PDK1: variants seen among roughly 807,000 people sequenced by gnomAD.
PDK1 encodes [Pyruvate dehydrogenase (acetyl-transferring)] kinase isozyme 1, mitochondrial.
A neutral mutation model predicts 54.2 loss-of-function variants in PDK1; 39 were observed. The ratio of observed to expected loss-of-function variants is 0.72; its 90% CI spans 0.56 to 0.94. The LOEUF (loss-of-function observed/expected upper bound fraction) is 0.94. Among genes scored for constraint, PDK1 ranks in the 40% least tolerant of loss-of-function variants. The pLI is 0.00. For missense variants in PDK1, 552 were observed against 566.0 expected, an observed-to-expected ratio of 0.98 and a Z score of 0.25; for synonymous variants, 221 against 207.1, an observed-to-expected ratio of 1.07 and a Z score of -0.58.
chr2:172,566,530 C>T (rs1688951173), intron 5 of PDK1, among the ~76,000 whole-genome samples: 1 of 151,708 alleles, frequency 6.6e-6, no homozygotes, highest in African/African-American at 2.4e-5. Context: ...GCACTCCAGC[C>T]TGGTTGATCG....
At chr2:172,642,678 C>T in the PDK1 span, among the ~76,000 whole-genome samples, 34 of 152,268 alleles carry the variant, frequency 2.2e-4, no homozygotes, top group East Asian at 5.8e-3. Flanking sequence ...ACAGGGTGGC[C>T]GGTCCCATCC....
At chr2:172,633,867 A>ATTTTTTTTTT in the PDK1 span, among the ~76,000 whole-genome samples, 2 of 68,842 alleles carry the variant, frequency 2.9e-5, no homozygotes, top group Admixed American at 2.6e-4. Context: ...TTAGTCTATG[A>ATTTTTTTTTT]TTTTTTTTTT....
Position 172,568,327 on chromosome 2 carries a change from CAAAAAA to C in PDK1, c.770-396_770-391del, listed in dbSNP as rs11400625. On this transcript the variant is annotated intron_variant, in intron 6 of 10. Transcript: ENST00000282077. ...TGGGCAACAGAGCAAGACTCCGTCT[CAAAAAA>C]AAAAAAAAAAAAAAAAAGAAGAAGA... Among the ~76,000 whole-genome samples, 26 of 57,114 alleles carry C rather than the reference CAAAAAA, an allele frequency of 4.6e-4. No individual in the cohort carries two copies. The East Asian group carries it at 9.2e-3, about 20-fold the overall frequency. The allele number at this position is 57,114 out of a possible 152,430, so 37.5% of individuals were successfully genotyped here. A position where few individuals can be genotyped will look rare whatever the true frequency, so the allele number is the denominator to read the frequency against.
the PDK1 span, among the ~76,000 whole-genome samples, chr2:172,711,872 A>G: frequency 1.4e-5 from 2 of 147,698 alleles, no homozygotes; most frequent in Non-Finnish European, 3.0e-5. Flanking sequence ...GCTCAAAAAA[A>G]AAAAAAAAAA....
intron 1 of PDK1, among the ~76,000 whole-genome samples, chr2:172,557,025 T>G (rs988062931): frequency 1.3e-5 from 2 of 152,258 alleles, no homozygotes; most frequent in Non-Finnish European, 2.9e-5. Context: ...ACTTCCCATG[T>G]GAAGGCGATG....
the PDK1 span, among the ~76,000 whole-genome samples, chr2:172,719,736 C>G: frequency 1.3e-5 from 2 of 151,970 alleles, no homozygotes; most frequent in African/African-American, 4.8e-5. Context: ...TTTCATCTCT[C>G]TGCTGAAATT....
Position 172,601,021 on chromosome 2 carries a change from G to GCTAT in PDK1, c.*5053_*5056dup, listed in dbSNP as rs1447703803. 6.6e-6 allele frequency: 1 copy of GCTAT among 152,166 alleles called. No homozygotes were observed. The highest frequency in any genetic ancestry group is 2.4e-5 in the African/African-American group (1 of 41,442). 9.4% of individuals were successfully genotyped at this position (152,166 alleles called of 1,614,324 possible). A position where few individuals can be genotyped will look rare whatever the true frequency, so the allele number is the denominator to read the frequency against. On this transcript the variant is annotated 3_prime_UTR_variant, in exon 11 of 11. Coordinates refer to ENST00000282077, the MANE Select transcript of PDK1 (RefSeq NM_002610.5). ...GGTTAACTGCATGAGGTCAAAAAGAGCTATATTTGAGCTGCTGTTTGTTAA... is the reference window on the plus strand; with the variant it reads ...GGTTAACTGCATGAGGTCAAAAAGAGCTATCTATATTTGAGCTGCTGTTTGTTAA...
chr2:172,630,717 C>T, the PDK1 span, among the ~76,000 whole-genome samples: 1 of 151,864 alleles, frequency 6.6e-6, no homozygotes, highest in East Asian at 1.9e-4. Context: ...GCAACCTCCA[C>T]CTCCCAGGTT....
chr2:172,655,837 T>C, the PDK1 span, among the ~76,000 whole-genome samples: 1 of 152,206 alleles, frequency 6.6e-6, no homozygotes, highest in Non-Finnish European at 1.5e-5. Context: ...GTGTGACAGC[T>C]CTCTGTATCC....
At chr2:172,655,947 T>G in the PDK1 span, among the ~76,000 whole-genome samples, 1 of 152,234 alleles carries the variant, frequency 6.6e-6, no homozygotes, top group Non-Finnish European at 1.5e-5. Context: ...AGCATGAAGC[T>G]TGGTTTCTTC....
At chr2:172,702,512 C>A in the PDK1 span, among the ~76,000 whole-genome samples, 7 of 150,640 alleles carry the variant, frequency 4.6e-5, no homozygotes, top group Non-Finnish European at 8.9e-5. Flanking sequence ...TTTGCCAGGG[C>A]CTCTTTCATT....
the PDK1 span, among the ~76,000 whole-genome samples, chr2:172,673,952 T>A: frequency 6.6e-6 from 1 of 152,244 alleles, no homozygotes; most frequent in African/African-American, 2.4e-5. Flanking sequence ...TAAAGCAAAG[T>A]TTGCCACAAG....
the PDK1 span, among the ~76,000 whole-genome samples, chr2:172,707,975 G>A: frequency 6.6e-6 from 1 of 152,182 alleles, no homozygotes. Flanking sequence ...AGAGTGCTTA[G>A]GGAGTGGGGA....
At chr2:172,623,329 T>C in the PDK1 span, among the ~76,000 whole-genome samples, 2 of 152,160 alleles carry the variant, frequency 1.3e-5, no homozygotes, top group East Asian at 3.8e-4. Context: ...AGATGACTTC[T>C]GAGAGCTCCC....
intron 9 of PDK1, among the ~76,000 whole-genome samples, chr2:172,586,641 G>T (rs1337833533): frequency 6.6e-6 from 1 of 151,928 alleles, no homozygotes; most frequent in African/African-American, 2.4e-5. Flanking sequence ...TAGTTTTCCT[G>T]TGTAAAACCA....
chr2:172,687,069 T>C, the PDK1 span, among the ~76,000 whole-genome samples: 1 of 152,182 alleles, frequency 6.6e-6, no homozygotes, highest in Non-Finnish European at 1.5e-5. Flanking sequence ...TTAAGCTTGT[T>C]TTGAAACAAT....
chr2:172,573,236 C>T (rs551453840), intron 8 of PDK1, among the ~76,000 whole-genome samples: 73 of 152,278 alleles, frequency 4.8e-4, no homozygotes, highest in Admixed American at 1.9e-3. Context: ...TGTTTTACCT[C>T]GTCCTTGTCA....
chr2:172,647,439 A>G, the PDK1 span, among the ~76,000 whole-genome samples: 1 of 152,204 alleles, frequency 6.6e-6, no homozygotes, highest in Non-Finnish European at 1.5e-5. Flanking sequence ...TGCTCAAAAA[A>G]TAATGGAGGC....
chr2:172,603,926 G>A lies in PDK1; in HGVS notation c.*7957G>A, dbSNP rs182494924. The A allele has an allele frequency of 6.6e-6, 1 of 152,280 alleles. No homozygotes were observed. Among genetic ancestry groups the A allele is most frequent in the Non-Finnish European group, 1.5e-5 (1 of 68,038 alleles). 9.4% of individuals were successfully genotyped at this position (152,280 alleles called of 1,614,324 possible). A position where few individuals can be genotyped will look rare whatever the true frequency, so the allele number is the denominator to read the frequency against. ...AGGAGAGTCCATTTATATTTGGCTG[G>A]TAAGATCGATGCTTCTGTCACTACT... On this transcript the variant is annotated 3_prime_UTR_variant, in exon 11 of 11. Coordinates refer to ENST00000282077, the MANE Select transcript of PDK1 (RefSeq NM_002610.5).
Sources: allele counts gnomAD v4.1 joint callset (sites outside exome capture counted in the v4.1 genomes callset), GRCh38; gene constraint gnomAD v4.1.1; transcripts MANE v1.5; gene names NCBI Gene and HGNC (gene_info 2026-07-23, HGNC 2026-07-21).